Variants in GGA2 observed in about 807,000 individuals in gnomAD.
The protein encoded by GGA2 is golgi associated, gamma adaptin ear containing, ARF binding protein 2, also known as ADP-ribosylation factor-binding protein GGA2.
GGA2 carries 48 observed loss-of-function variants against 79.5 expected under a neutral mutation model. That is an observed-to-expected ratio of 0.60 (90% CI 0.48 to 0.77). GGA2 has a LOEUF of 0.77. Among genes scored for constraint, GGA2 ranks in the 30% least tolerant of loss-of-function variants. The pLI, the probability that GGA2 is intolerant of heterozygous loss-of-function variation, is 0.00. For synonymous variants in GGA2, 317 were observed against 302.0 expected (o/e 1.05, Z -0.51); for missense variants, 770 against 774.0 (o/e 0.99, Z 0.06).
chr16:23,478,133 A>T (rs1964598035), intron 13 of GGA2, among the ~76,000 whole-genome samples: 6 of 150,040 alleles, frequency 4.0e-5, no homozygotes, highest in Non-Finnish European at 7.4e-5. Flanking sequence ...CAGGAGGTAA[A>T]GGCTGTAGTG....
intron 1 of GGA2, among the ~76,000 whole-genome samples, chr16:23,503,906 AC>A (rs1213039588): frequency 4.6e-5 from 7 of 151,940 alleles, no homozygotes; most frequent in African/African-American, 1.7e-4. Flanking sequence ...ACATGGAGAA[AC>A]CCCGTCTCTA....
chr16:23,492,461 T>C (rs1313741590), intron 4 of GGA2, among the ~76,000 whole-genome samples: 1 of 152,012 alleles, frequency 6.6e-6, no homozygotes, highest in African/African-American at 2.4e-5. Context: ...CCAGCAATGA[T>C]GTGTAAAAAA....
intron 11 of GGA2, among the ~76,000 whole-genome samples, chr16:23,479,259 G>A (rs994421727): frequency 2.0e-4 from 31 of 151,398 alleles, no homozygotes; most frequent in Non-Finnish European, 3.8e-4. Context: ...CTCAGCAGCA[G>A]GCATGTGCTT....
At chr16:23,507,459 C>A (rs948169149) in intron 1 of GGA2, among the ~76,000 whole-genome samples, 2 of 152,184 alleles carry the variant, frequency 1.3e-5, no homozygotes, top group Non-Finnish European at 2.9e-5. Flanking sequence ...GAAACCCTAT[C>A]GCTACTAAAA....
intron 1 of GGA2, among the ~76,000 whole-genome samples, chr16:23,503,687 T>C (rs1964943866): frequency 6.6e-6 from 1 of 152,258 alleles, no homozygotes; most frequent in African/African-American, 2.4e-5. Context: ...CCCTGCACTT[T>C]AGCTCCACTG....
At chr16:23,512,262 A>G (rs1965075437), upstream of GGA2, among the ~76,000 whole-genome samples, 1 of 152,062 alleles carries the variant, frequency 6.6e-6, no homozygotes. Context: ...TTCAACTAGC[A>G]CCCTTCCCCT....
intron 9 of GGA2, among the ~76,000 whole-genome samples, chr16:23,481,068 T>C (rs1964641733): frequency 1.3e-5 from 2 of 152,186 alleles, no homozygotes; most frequent in South Asian, 2.1e-4. Context: ...TAACAAACTT[T>C]TAACTTTAAC....
intron 5 of GGA2, among the ~76,000 whole-genome samples, chr16:23,489,881 A>G (rs1339679732): frequency 6.6e-6 from 1 of 151,932 alleles, no homozygotes; most frequent in East Asian, 1.9e-4. Context: ...AGGGGAGAAA[A>G]AACAAAAACA....
intron 14 of GGA2, among the ~76,000 whole-genome samples, chr16:23,473,081 A>C (rs1567358786): frequency 6.6e-6 from 1 of 151,248 alleles, no homozygotes; most frequent in African/African-American, 2.4e-5. Context: ...ACCTCTACTT[A>C]ATAGTGCATA....
chr16:23,463,645 G>A lies in GGA2; in HGVS notation c.*3945C>T, dbSNP rs1964400481. On this transcript the variant is annotated 3_prime_UTR_variant, in exon 17 of 17. Transcript: ENST00000309859. Reference sequence around the variant, plus strand: ...GACCCAAAGATTACCACTGTCAGATGTGCACACAAACATCTTGGTGCATCG... The same window carrying A: ...GACCCAAAGATTACCACTGTCAGATATGCACACAAACATCTTGGTGCATCG... The A allele has an allele frequency of 6.6e-6, 1 of 152,196 alleles. No individual in the cohort carries two copies. The highest frequency in any genetic ancestry group is 2.4e-5 in the African/African-American group (1 of 41,458). 9.4% of individuals were successfully genotyped at this position (152,196 alleles called of 1,614,324 possible).
Position 23,478,403 on chromosome 16 carries a change from CA to C in GGA2, c.1256del (p.Leu419ArgfsTer13). 6.2e-7 allele frequency: 1 copy of C among 1,610,112 alleles called. No homozygotes were observed. Among genetic ancestry groups the C allele is most frequent in the Non-Finnish European group, 8.5e-7 (1 of 1,177,466 alleles). On this transcript the variant is annotated frameshift_variant, in exon 13 of 17. Coordinates refer to ENST00000309859, the MANE Select transcript of GGA2 (RefSeq NM_015044.4). LOFTEE classifies it high-confidence loss of function. The part of the protein sequence containing the change: ...VQNPSADRNL[L>X]DLLSAQPAPC... ...GAGCTGGCTGTGCTGAGAGGAGGTC[CA>C]GCAAATTCCTGTCTGCAGAAGGGTT...
intron 2 of GGA2, among the ~76,000 whole-genome samples, chr16:23,515,526 G>A (rs1567373800): frequency 6.7e-6 from 1 of 150,164 alleles, no homozygotes; most frequent in Non-Finnish European, 1.5e-5. Flanking sequence ...GAACCCAGGA[G>A]GTGGAGGCTT....
intron 1 of GGA2, among the ~76,000 whole-genome samples, chr16:23,508,918 C>T (rs1965004842): frequency 6.6e-6 from 1 of 152,212 alleles, no homozygotes; most frequent in African/African-American, 2.4e-5. Context: ...GCGATCTAGC[C>T]TAGATTTCTC....
At chr16:23,509,678 C>T (rs1415022745) in intron 1 of GGA2, among the ~76,000 whole-genome samples, 3 of 149,936 alleles carry the variant, frequency 2.0e-5, no homozygotes, top group Non-Finnish European at 4.4e-5. Flanking sequence ...GAATTCTGGC[C>T]AAAGGGTTTG....
intron 1 of GGA2, among the ~76,000 whole-genome samples, chr16:23,499,852 T>C (rs1406178978): frequency 6.6e-6 from 1 of 152,040 alleles, no homozygotes; most frequent in Non-Finnish European, 1.5e-5. Flanking sequence ...CAGCCAGCAA[T>C]GAATGAAAGG....
chr16:23,498,723 T>C (rs1294974853), intron 1 of GGA2, among the ~76,000 whole-genome samples: 1 of 152,244 alleles, frequency 6.6e-6, no homozygotes. Context: ...CTCTGGCTTT[T>C]ACTGTAATAT....
intron 1 of GGA2, among the ~76,000 whole-genome samples, chr16:23,504,156 G>A (rs1037611516): frequency 2.0e-5 from 3 of 150,336 alleles, no homozygotes; most frequent in Non-Finnish European, 4.4e-5. Context: ...AGGTTGGCAC[G>A]ATCATCTACA....
intron 1 of GGA2, among the ~76,000 whole-genome samples, chr16:23,500,394 G>C (rs894953844): frequency 6.6e-6 from 1 of 152,362 alleles, no homozygotes; most frequent in East Asian, 1.9e-4. Flanking sequence ...GTCGGCCCAG[G>C]GGGGTCTGCG....
At chr16:23,513,671 G>A (rs563979205), upstream of GGA2, among the ~76,000 whole-genome samples, 3 of 151,504 alleles carry the variant, frequency 2.0e-5, no homozygotes, top group Non-Finnish European at 2.9e-5. Context: ...TGTAGTCCCA[G>A]CTACTCAGGA....
Sources: allele counts gnomAD v4.1 joint callset (sites outside exome capture counted in the v4.1 genomes callset), GRCh38; gene constraint gnomAD v4.1.1; transcripts MANE v1.5; gene names NCBI Gene and HGNC (gene_info 2026-07-23, HGNC 2026-07-21).